ARHGAP28: variants seen among roughly 807,000 people sequenced by gnomAD.
ARHGAP28 encodes rho GTPase-activating protein 28.
ARHGAP28 carries 56 observed loss-of-function variants against 90.7 expected under a neutral mutation model. That is an observed-to-expected ratio of 0.62 (90% CI 0.50 to 0.77). The LOEUF (loss-of-function observed/expected upper bound fraction) is 0.77, where lower values mean the gene tolerates loss of function less well. Ranked by LOEUF, ARHGAP28 falls within the 30% of genes least tolerant of loss-of-function variation. The pLI, the probability that ARHGAP28 is intolerant of heterozygous loss-of-function variation, is 0.00. For missense variants in ARHGAP28, 869 were observed against 900.9 expected, an observed-to-expected ratio of 0.96 and a Z score of 0.45; for synonymous variants, 308 against 323.3, an observed-to-expected ratio of 0.95 and a Z score of 0.51.
At chr18:6,867,907 G>A (rs1441977938) in intron 5 of ARHGAP28, among the ~76,000 whole-genome samples, 2 of 152,152 alleles carry the variant, frequency 1.3e-5, no homozygotes, top group African/African-American at 4.8e-5. Flanking sequence ...AAATATTTAA[G>A]AGCTAGGAAA....
At chr18:6,750,404 C>T (rs2056059792) in intron 1 of ARHGAP28, among the ~76,000 whole-genome samples, 1 of 152,180 alleles carries the variant, frequency 6.6e-6, no homozygotes, top group South Asian at 2.1e-4. Flanking sequence ...CCTTTCTATA[C>T]ATCCTACTTC....
intron 5 of ARHGAP28, among the ~76,000 whole-genome samples, chr18:6,866,015 A>T (rs1163402189): frequency 1.3e-5 from 2 of 152,140 alleles, no homozygotes; most frequent in African/African-American, 4.8e-5. Context: ...AGTACAAATC[A>T]AAAACGATGC....
chr18:6,745,916 G>C (rs577150337), intron 1 of ARHGAP28, among the ~76,000 whole-genome samples: 5 of 152,192 alleles, frequency 3.3e-5, no homozygotes, highest in Non-Finnish European at 7.3e-5. Context: ...AGCAGGTTTA[G>C]AGTAAAACCT....
At chr18:6,841,161 C>T (rs1301254671) in intron 3 of ARHGAP28, among the ~76,000 whole-genome samples, 1 of 103,698 alleles carries the variant, frequency 9.6e-6, no homozygotes, top group Non-Finnish European at 2.1e-5. Context: ...TCCTCTTTCT[C>T]TCTCTCCTCT....
chr18:6,774,262 T>G (rs2056266133), intron 1 of ARHGAP28: 1 of 152,228 alleles, frequency 6.6e-6, no homozygotes, highest in South Asian at 2.1e-4. Context: ...TCTTAATAAC[T>G]TCGGCCACAG....
rs2055860688 is a variant in ARHGAP28 at position 6,729,899 on chromosome 18, G to C, written c.78G>C (p.Glu26Asp). ...SYARAQPPNA[E>D]SRCAPRAAAS... is the part of the protein sequence containing the mutation. ...CGCGCGCCCAGCCCCCCAACGCCGA[G>C]TCGCGCTGCGCGCCCCGCGCCGCAG... Residue 26 changes from glutamate (E) to aspartate (D), a missense_variant, in exon 1 of 18, where the codon GAG (glutamate) becomes GAC (aspartate). By Grantham distance (45) the Glu-to-Asp change is conservative. Coordinates refer to ENST00000383472, the MANE Select transcript of ARHGAP28 (RefSeq NM_001366230.1). The C allele has an allele frequency of 7.0e-6, 10 of 1,423,158 alleles. No individual in the cohort carries two copies. Among genetic ancestry groups the C allele is most frequent in the South Asian group, 5.8e-5 (4 of 69,144 alleles). The allele number at this position is 1,423,158 out of a possible 1,614,324, so 88.2% of individuals were successfully genotyped here.
chr18:6,906,995 G>T (rs1445969683), intron 16 of ARHGAP28, among the ~76,000 whole-genome samples: 1 of 152,110 alleles, frequency 6.6e-6, no homozygotes, highest in African/African-American at 2.4e-5. Context: ...ACTTTACTAA[G>T]GAGATACAGA....
At chr18:6,772,053 C>G (rs548034684) in intron 1 of ARHGAP28, among the ~76,000 whole-genome samples, 4 of 151,958 alleles carry the variant, frequency 2.6e-5, no homozygotes, top group African/African-American at 9.7e-5. Flanking sequence ...TCCATAAAAC[C>G]CCACAAAACC....
rs781333008 is a variant in ARHGAP28, at chr18:6,890,051, G to T, written c.1700G>T (p.Arg567Leu). The T allele has an allele frequency of 6.2e-7, 1 of 1,614,136 alleles. No homozygotes were observed. Among genetic ancestry groups the T allele is most frequent in the Non-Finnish European group, 8.5e-7 (1 of 1,180,014 alleles). Residue 567 changes from arginine to leucine, a missense_variant, in exon 13 of 18, where the codon CGC becomes CTC. Coordinates refer to ENST00000383472, the MANE Select transcript of ARHGAP28 (RefSeq NM_001366230.1). ...GCAAACACTGCGGCCCACATCATCC[G>T]CCTAATGCTTAAGTACCAGAAGATT... ...LLANTAAHII[R>L]LMLKYQKILW... is the part of the protein sequence containing the mutation.
At chr18:6,781,152 TTGC>T (rs1299859701) in intron 1 of ARHGAP28, among the ~76,000 whole-genome samples, 3 of 152,302 alleles carry the variant, frequency 2.0e-5, no homozygotes, top group African/African-American at 7.2e-5. Context: ...TTTCCTTCTA[TTGC>T]TGCTGGAAGC....
chr18:6,896,741 A>T, intron 16 of ARHGAP28, 115 bp downstream of exon 16: 1 of 1,239,804 alleles, frequency 8.1e-7, no homozygotes. Flanking sequence ...CTGTTGCTTT[A>T]GGGAGTTTAC....
intron 2 of ARHGAP28, 106 bp from the exon 3 acceptor site, chr18:6,837,091 A>G (rs541179052): frequency 2.3e-5 from 19 of 825,034 alleles, no homozygotes; most frequent in East Asian, 8.0e-5. Flanking sequence ...ATTACTGTAG[A>G]AAAAAAATAC....
intron 1 of ARHGAP28, among the ~76,000 whole-genome samples, chr18:6,799,818 C>T (rs1409052009): frequency 6.6e-6 from 1 of 152,106 alleles, no homozygotes. Flanking sequence ...GACTTCATGA[C>T]TAAAACACTA....
At chr18:6,883,042 A>G (rs963541585) in intron 11 of ARHGAP28, among the ~76,000 whole-genome samples, 1 of 152,082 alleles carries the variant, frequency 6.6e-6, no homozygotes, top group African/African-American at 2.4e-5. Flanking sequence ...AGGCATTGCA[A>G]ATCTAAATAT....
chr18:6,735,521 T>C (rs1390250242), intron 1 of ARHGAP28, among the ~76,000 whole-genome samples: 3 of 152,030 alleles, frequency 2.0e-5, no homozygotes, highest in African/African-American at 7.3e-5. Flanking sequence ...TGGGTTGGTC[T>C]GATGTTTTCT....
chr18:6,801,322 A>T (rs1033038330), intron 1 of ARHGAP28, among the ~76,000 whole-genome samples: 2 of 152,210 alleles, frequency 1.3e-5, no homozygotes, highest in Non-Finnish European at 2.9e-5. Flanking sequence ...AATTAACAAC[A>T]TATGTGTTAG....
chr18:6,857,834 G>A (rs553359351), intron 4 of ARHGAP28, among the ~76,000 whole-genome samples: 1 of 152,346 alleles, frequency 6.6e-6, no homozygotes, highest in African/African-American at 2.4e-5. Flanking sequence ...TTGATTTTCC[G>A]ATTGTATAGG....
intron 1 of ARHGAP28, among the ~76,000 whole-genome samples, chr18:6,800,181 A>T (rs558767719): frequency 6.6e-6 from 1 of 152,360 alleles, no homozygotes; most frequent in Admixed American, 6.5e-5. Flanking sequence ...GCCAGTTAGA[A>T]TGGCAATCAT....
At chr18:6,863,654 C>T (rs545721658) in intron 5 of ARHGAP28, among the ~76,000 whole-genome samples, 1 of 151,476 alleles carries the variant, frequency 6.6e-6, no homozygotes, top group Non-Finnish European at 1.5e-5. Flanking sequence ...AGCCATTTAT[C>T]GAACTATGAT....
Sources: allele counts gnomAD v4.1 joint callset (sites outside exome capture counted in the v4.1 genomes callset), GRCh38; gene constraint gnomAD v4.1.1; transcripts MANE v1.5; gene names NCBI Gene and HGNC (gene_info 2026-07-23, HGNC 2026-07-21).